The following PRTG variants were observed in gnomAD, a reference collection of about 807,000 sequenced individuals.
PRTG encodes the protein immunoglobulin superfamily, DCC subclass, member 5.
In PRTG, 67 loss-of-function variants were observed where a neutral mutation model predicts 122.5. The ratio of observed to expected loss-of-function variants is 0.55; its 90% confidence interval spans 0.45 to 0.67. PRTG has a LOEUF of 0.67. PRTG is among the 30% of genes least tolerant of loss of function. PRTG has a pLI of 0.00. For missense variants in PRTG, 1,435 were observed against 1,415.4 expected (o/e 1.01, Z -0.22); for synonymous variants, 554 against 501.1 (o/e 1.11, Z -1.41).
chr15:55,692,701 G>C (rs1024832046), intron 2 of PRTG, among the ~76,000 whole-genome samples: 2 of 151,482 alleles, frequency 1.3e-5, no homozygotes, highest in African/African-American at 4.9e-5. Context: ...GTTCTACAAT[G>C]ATAAGTCTTG....
intron 11 of PRTG, among the ~76,000 whole-genome samples, chr15:55,660,055 CATTT>C (rs1362539814): frequency 5.3e-5 from 8 of 152,220 alleles, no homozygotes; most frequent in Non-Finnish European, 1.2e-4. Context: ...TATATATCTT[CATTT>C]ATTTATAACA....
At position 55,619,898 on chromosome 15, in the gene PRTG, G is replaced by A. The variant is rs2059156677; in HGVS notation, c.*114C>T. ...ATCATTTTTATCAAAGCATAGCATG[G>A]CAGATGGCGGCTGCAGAACTAAGGA... On this transcript the variant is annotated 3_prime_UTR_variant, in exon 20 of 20. Coordinates refer to ENST00000389286, the MANE Select transcript of PRTG (RefSeq NM_173814.6). The A allele has an allele frequency of 1.3e-6, 2 of 1,513,376 alleles. No homozygotes were observed. Among genetic ancestry groups the A allele is most frequent in the Non-Finnish European group, 1.8e-6 (2 of 1,124,510 alleles). 93.7% of individuals were successfully genotyped at this position (1,513,376 alleles called of 1,614,324 possible).
chr15:55,627,084 T>G lies in PRTG; in HGVS notation c.2851A>C (p.Ile951Leu). Residue 951 changes from isoleucine to leucine, a missense_variant, in exon 17 of 20, where the codon ATT becomes CTT. By Grantham distance (5) the Ile-to-Leu change is conservative. Transcript: ENST00000389286. ...AAGGCTATGCCAACACCTACAGCAATGCCAGTCATTGATTTTTGGTCCAGA... is the reference window on the plus strand; with the variant it reads ...AAGGCTATGCCAACACCTACAGCAAGGCCAGTCATTGATTTTTGGTCCAGA... ...YHLDQKSMTG[I>L]AVGVGIALTC... 6.2e-7 allele frequency: 1 copy of G among 1,609,240 alleles called. No homozygotes were observed. Among genetic ancestry groups the G allele is most frequent in the South Asian group, 1.1e-5 (1 of 90,802 alleles).
intron 15 of PRTG, 64 bp from the exon 16 acceptor site, chr15:55,629,068 C>G (rs1595603383): frequency 9.5e-7 from 1 of 1,057,054 alleles, no homozygotes; most frequent in East Asian, 2.5e-5. Flanking sequence ...TCATATTATA[C>G]AAACACGTTC....
At chr15:55,639,894 G>A in intron 12 of PRTG, 66 bp from the exon 13 acceptor site, 1 of 1,572,412 alleles carries the variant, frequency 6.4e-7, no homozygotes, top group Non-Finnish European at 8.6e-7. Context: ...GTGGTAAAAT[G>A]GTAAAATAAT....
intron 11 of PRTG, among the ~76,000 whole-genome samples, chr15:55,663,882 T>C (rs1235909922): frequency 2.0e-5 from 3 of 152,132 alleles, no homozygotes; most frequent in Admixed American, 2.0e-4. Context: ...AATGAAGTCA[T>C]ACAGAATGTA....
rs1188610824 is a variant in PRTG, at chr15:55,615,935, A to C, written c.*4077T>G. The C allele has an allele frequency of 1.3e-5, 2 of 152,278 alleles. No homozygotes were observed. Among genetic ancestry groups the C allele is most frequent in the East Asian group, 3.9e-4 (2 of 5,182 alleles). 9.4% of individuals were successfully genotyped at this position (152,278 alleles called of 1,614,324 possible). On this transcript the variant is annotated 3_prime_UTR_variant, in exon 20 of 20. Transcript: ENST00000389286. ...ACTTGAACAATGATCCTGGGTTGTC[A>C]ACCACGAGCACATTTCTGGCAGAAG...
intron 11 of PRTG, among the ~76,000 whole-genome samples, chr15:55,652,486 C>A (rs2059358276): frequency 6.6e-6 from 1 of 152,164 alleles, no homozygotes; most frequent in Non-Finnish European, 1.5e-5. Context: ...GCTCCTTGGT[C>A]TGGCTAGCCA....
chr15:55,627,629 C>T (rs1356608308), intron 16 of PRTG, among the ~76,000 whole-genome samples: 2 of 151,896 alleles, frequency 1.3e-5, no homozygotes, highest in Non-Finnish European at 2.9e-5. Context: ...CGTGAGCCAC[C>T]ACGCCCGGCC....
chr15:55,634,596 T>C (rs2059245856), intron 15 of PRTG, among the ~76,000 whole-genome samples: 1 of 151,864 alleles, frequency 6.6e-6, no homozygotes, highest in Admixed American at 6.6e-5. Context: ...ATCCTAGCAC[T>C]TTGGGAGGCT....
At chr15:55,654,032 G>C (rs898363685) in intron 11 of PRTG, among the ~76,000 whole-genome samples, 2 of 152,210 alleles carry the variant, frequency 1.3e-5, no homozygotes, top group African/African-American at 4.8e-5. Flanking sequence ...TTTGCTATAA[G>C]TGAATCTGAT....
intron 2 of PRTG, among the ~76,000 whole-genome samples, chr15:55,724,241 G>A (rs2030944283): frequency 6.6e-6 from 1 of 152,048 alleles, no homozygotes; most frequent in Admixed American, 6.6e-5. Flanking sequence ...GATCTTTTGC[G>A]TAGATGTTCT....
intron 2 of PRTG, among the ~76,000 whole-genome samples, chr15:55,721,866 T>C (rs1595676748): frequency 2.0e-5 from 3 of 152,160 alleles, no homozygotes; most frequent in African/African-American, 7.2e-5. Context: ...GAGAACTTAC[T>C]CATTATCACA....
chr15:55,682,464 G>T lies in PRTG; in HGVS notation c.576C>A (p.Ile192=). 1 of 1,593,686 alleles carries T rather than the reference G, an allele frequency of 6.3e-7. No homozygotes were observed. Among genetic ancestry groups the T allele is most frequent in the South Asian group, 1.1e-5 (1 of 88,468 alleles). ...ITALPTGVLQ[I]YDVSQRDSGN... Reference sequence around the variant, plus strand: ...CAGAATCCCTTTGGCTGACATCATAGATCTGCAATACTCCTGTTGGTAGGG... The same window carrying T: ...CAGAATCCCTTTGGCTGACATCATATATCTGCAATACTCCTGTTGGTAGGG... Residue 192 remains isoleucine, a synonymous_variant, in exon 4 of 20, where the codon ATC becomes ATA. Coordinates refer to ENST00000389286, the MANE Select transcript of PRTG (RefSeq NM_173814.6).
chr15:55,731,308 G>A (rs562648172), intron 2 of PRTG, among the ~76,000 whole-genome samples: 39 of 150,822 alleles, frequency 2.6e-4, no homozygotes, highest in Non-Finnish European at 4.4e-4. Context: ...GGGGACGCCA[G>A]AGGACTCAAG....
chr15:55,738,569 A>G, intron 2 of PRTG: 2 of 698,576 alleles, frequency 2.9e-6, no homozygotes, highest in East Asian at 2.7e-5. Flanking sequence ...AAAAGGTGGG[A>G]AAATAACAAC....
intron 11 of PRTG, among the ~76,000 whole-genome samples, chr15:55,660,399 T>G (rs1295944935): frequency 1.3e-5 from 2 of 152,210 alleles, no homozygotes; most frequent in Admixed American, 1.3e-4. Context: ...CTTAGATCTT[T>G]AAGGACCTCA....
chr15:55,733,728 GAA>G (rs1180718152), intron 2 of PRTG, among the ~76,000 whole-genome samples: 2 of 151,968 alleles, frequency 1.3e-5, no homozygotes, highest in African/African-American at 2.4e-5. Flanking sequence ...TCGGTAGACT[GAA>G]GAGGGAAAAT....
intron 15 of PRTG, among the ~76,000 whole-genome samples, chr15:55,634,459 C>T (rs2059245279): frequency 6.6e-6 from 1 of 152,102 alleles, no homozygotes; most frequent in Non-Finnish European, 1.5e-5. Context: ...CTTACAACAC[C>T]TCATTAAATC....
Sources: gnomAD v4.1 joint callset for allele counts (sites outside exome capture counted in the v4.1 genomes callset) on GRCh38, gnomAD v4.1.1 for gene constraint, MANE v1.5 for transcripts, NCBI Gene and HGNC (gene_info 2026-07-23, HGNC 2026-07-21) for gene names.